The following LEPR variants were observed in gnomAD, a reference collection of about 807,000 sequenced individuals.
LEPR encodes OB receptor.
LEPR carries 56 observed loss-of-function variants against 114.7 expected under a neutral mutation model. That is an observed-to-expected ratio of 0.49 (90% confidence interval 0.39 to 0.61). LEPR has a LOEUF of 0.61. LEPR is among the 20% of genes least tolerant of loss of function. The pLI is 0.00. For synonymous variants in LEPR, 443 were observed against 461.4 expected (o/e 0.96, Z 0.51); for missense variants, 1,202 against 1,352.9 (o/e 0.89, Z 1.75).
intron 2 of LEPR, among the ~76,000 whole-genome samples, chr1:65,487,990 A>G (rs1334210735): frequency 4.9e-5 from 4 of 81,340 alleles, no homozygotes; most frequent in Non-Finnish European, 1.0e-4. Context: ...TCTTTCTTTC[A>G]TCTTTCTTTC....
intron 19 of LEPR, among the ~76,000 whole-genome samples, chr1:65,628,965 C>CT (rs1658372072): frequency 6.6e-6 from 1 of 152,110 alleles, no homozygotes; most frequent in Non-Finnish European, 1.5e-5. Flanking sequence ...AGTTAACTGT[C>CT]TGACTTTTGG....
At chr1:65,558,426 TATC>T (rs1652981907) in intron 2 of LEPR, among the ~76,000 whole-genome samples, 1 of 147,636 alleles carries the variant, frequency 6.8e-6, no homozygotes, top group Non-Finnish European at 1.5e-5. Flanking sequence ...TCCATTTACT[TATC>T]ATGTGGTGCC....
intron 19 of LEPR, among the ~76,000 whole-genome samples, chr1:65,627,616 A>T (rs550622104): frequency 1.3e-5 from 2 of 152,166 alleles, no homozygotes; most frequent in Non-Finnish European, 2.9e-5. Context: ...GTATGTACTC[A>T]ATAGAAATGA....
At chr1:65,517,489 G>A (rs985789623) in intron 2 of LEPR, among the ~76,000 whole-genome samples, 12 of 152,134 alleles carry the variant, frequency 7.9e-5, no homozygotes, top group African/African-American at 2.9e-4. Flanking sequence ...GAACAAATGT[G>A]GGCAAAGTAA....
In LEPR at chr1:65,640,405, C is replaced by G. The variant is rs117904061; in HGVS notation, c.*3390C>G. 8 of 152,282 alleles carry G rather than the reference C, an allele frequency of 5.3e-5. No individual in the cohort carries two copies. The East Asian group carries it at 1.4e-3, about 26-fold the overall frequency. 9.4% of individuals were successfully genotyped at this position (152,282 alleles called of 1,614,324 possible). ...TCATCTTGATAGTTACCTTAACAAA[C>G]CTTTCTCAGCTATTTATTATTGAGA... On this transcript the variant is annotated 3_prime_UTR_variant, in exon 20 of 20. Coordinates refer to ENST00000349533, the MANE Select transcript of LEPR (RefSeq NM_002303.6).
intron 2 of LEPR, among the ~76,000 whole-genome samples, chr1:65,466,207 G>A (rs1647009982): frequency 6.6e-6 from 1 of 152,138 alleles, no homozygotes; most frequent in Non-Finnish European, 1.5e-5. Flanking sequence ...AAGAGCTCTT[G>A]TAAGGCAGGC....
In LEPR at chr1:65,636,578, A is replaced by G. The variant is rs764729841; in HGVS notation, c.3061A>G (p.Lys1021Glu). The change falls in exon 20 of 20, where the codon AAG becomes GAG. Residue 1021 changes from lysine (K) to glutamate (E), a missense_variant. Transcript: ENST00000349533. ...CTTCTCTAGCAAAAATTCTCCGTTG[A>G]AGGATTCTTTCTCTAATAGCTCATG... ...KCFSSKNSPL[K>E]DSFSNSSWEI... 6.2e-6 allele frequency: 10 copies of G among 1,614,114 alleles called. No homozygotes were observed. In the South Asian group the frequency reaches 9.9e-5, roughly 16 times the overall value.
At chr1:65,508,752 C>A (rs1008639467) in intron 2 of LEPR, among the ~76,000 whole-genome samples, 7 of 152,058 alleles carry the variant, frequency 4.6e-5, no homozygotes, top group Non-Finnish European at 1.0e-4. Flanking sequence ...GTAGGGATTG[C>A]AATGACTCTG....
intron 11 of LEPR, among the ~76,000 whole-genome samples, chr1:65,608,034 A>G (rs1344405944): frequency 6.6e-6 from 1 of 152,144 alleles, no homozygotes; most frequent in East Asian, 1.9e-4. Context: ...CTCAGATTAT[A>G]GAAAACCAAG....
At chr1:65,466,164 C>T (rs577647757) in intron 2 of LEPR, among the ~76,000 whole-genome samples, 38 of 152,208 alleles carry the variant, frequency 2.5e-4, no homozygotes, top group African/African-American at 6.0e-4. Context: ...TGGCTGGTAC[C>T]GGTTGTTCCA....
chr1:65,575,622 A>G (rs533224393), intron 5 of LEPR, among the ~76,000 whole-genome samples: 5 of 151,530 alleles, frequency 3.3e-5, no homozygotes, highest in East Asian at 3.9e-4. Context: ...TGTTTAGAAC[A>G]TACTAAACAA....
intron 2 of LEPR, among the ~76,000 whole-genome samples, chr1:65,555,147 G>C (rs1053052881): frequency 1.1e-4 from 16 of 152,106 alleles, no homozygotes; most frequent in African/African-American, 3.4e-4. Flanking sequence ...GACCAGAGCT[G>C]TTCCTATTCA....
chr1:65,543,045 C>A (rs1651355159), intron 2 of LEPR, among the ~76,000 whole-genome samples: 3 of 151,958 alleles, frequency 2.0e-5, no homozygotes, highest in African/African-American at 2.4e-5. Context: ...ATACTGTCTT[C>A]CACAATGGTT....
At chr1:65,462,393 C>T (rs1419209456) in intron 2 of LEPR, among the ~76,000 whole-genome samples, 5 of 152,198 alleles carry the variant, frequency 3.3e-5, no homozygotes, top group Non-Finnish European at 7.3e-5. Context: ...TTAATCCGTT[C>T]TATCATTGAT....
chr1:65,611,359 G>C (rs1294264004), intron 14 of LEPR, among the ~76,000 whole-genome samples: 2 of 152,192 alleles, frequency 1.3e-5, no homozygotes, highest in Non-Finnish European at 2.9e-5. Flanking sequence ...TGAGTGGGCG[G>C]TTGAACCCAC....
chr1:65,436,044 TA>T, intron 2 of LEPR: 1 of 984,776 alleles, frequency 1.0e-6, no homozygotes, highest in Non-Finnish European at 1.2e-6. Flanking sequence ...TGAAAAAGTT[TA>T]TATTTTACTT....
At chr1:65,611,172 CTTTT>C (rs1008795141) in intron 14 of LEPR, among the ~76,000 whole-genome samples, 1 of 151,940 alleles carries the variant, frequency 6.6e-6, no homozygotes, top group African/African-American at 2.4e-5. Context: ...AATTTAGTTT[CTTTT>C]GTTATTGCTC....
intron 2 of LEPR, among the ~76,000 whole-genome samples, chr1:65,456,417 A>G (rs1052199923): frequency 2.6e-5 from 4 of 152,156 alleles, no homozygotes; most frequent in Non-Finnish European, 5.9e-5. Flanking sequence ...AGGAGTATTC[A>G]GGTCTCCAAC....
chr1:65,461,084 T>C (rs547123293), intron 2 of LEPR, among the ~76,000 whole-genome samples: 1 of 151,332 alleles, frequency 6.6e-6, no homozygotes, highest in Non-Finnish European at 1.5e-5. Flanking sequence ...CAAGCAATTC[T>C]CCTGTCTCAG....
Sources: gnomAD v4.1 joint callset for allele counts (sites outside exome capture counted in the v4.1 genomes callset) on GRCh38, gnomAD v4.1.1 for gene constraint, MANE v1.5 for transcripts, NCBI Gene and HGNC (gene_info 2026-07-23, HGNC 2026-07-21) for gene names.